CACNA2D2: variants seen among roughly 807,000 people sequenced by gnomAD.
The protein encoded by CACNA2D2 is voltage-dependent calcium channel subunit alpha-2/delta-2.
Under a neutral mutation model 166.4 loss-of-function variants are expected in CACNA2D2, and 48 were observed. The observed-to-expected ratio is 0.29, with a 90% CI of 0.23 to 0.37. The LOEUF (loss-of-function observed/expected upper bound fraction) is 0.37, where lower values mean the gene tolerates loss of function less well. Ranked by LOEUF, CACNA2D2 falls within the 10% of genes least tolerant of loss-of-function variation. The pLI, the probability that CACNA2D2 is intolerant of heterozygous loss-of-function variation, is 1.00. For synonymous variants in CACNA2D2, 561 were observed against 573.7 expected (o/e 0.98, Z 0.32); for missense variants, 1,122 against 1,433.0 (o/e 0.78, Z 3.50).
chr3:50,377,648 C>T, intron 16 of CACNA2D2, 84 bp downstream of exon 16: 2 of 1,560,912 alleles, frequency 1.3e-6, no homozygotes, highest in Non-Finnish European at 1.8e-6. Flanking sequence ...GCCTGCCCTG[C>T]CCCTCTTCCA....
chr3:50,364,866 G>C lies in CACNA2D2; in HGVS notation c.3291+22C>G, dbSNP rs1458024573. ...CGGGCGCAAGGCCGCGGGATTTCGG[G>C]TCCACCGCCCCCTCTCCTCACTGTC... On this transcript the variant is annotated intron_variant, in intron 37 of 37. Transcript: ENST00000424201. 5.0e-6 allele frequency: 8 copies of C among 1,613,242 alleles called. No individual in the cohort carries two copies. The East Asian group carries it at 1.8e-4, about 36-fold the overall frequency.
chr3:50,374,947 C>T (rs374605359), intron 21 of CACNA2D2, 134 bp from the exon 22 acceptor site: 35 of 736,938 alleles, frequency 4.7e-5, no homozygotes, highest in Middle Eastern at 7.4e-4. Context: ...CCCCTCTCCC[C>T]GCTTAGCTGC....
intron 2 of CACNA2D2, among the ~76,000 whole-genome samples, chr3:50,459,588 C>T (rs1229710671): frequency 6.6e-6 from 1 of 152,148 alleles, no homozygotes; most frequent in African/African-American, 2.4e-5. Context: ...AAAAACTGTC[C>T]CCCAGCAGGG....
intron 1 of CACNA2D2, among the ~76,000 whole-genome samples, chr3:50,481,953 C>T (rs1427718764): frequency 6.6e-6 from 1 of 152,150 alleles, no homozygotes; most frequent in Admixed American, 6.5e-5. Flanking sequence ...CAAGGCCATG[C>T]CACTGTATTC....
chr3:50,446,289 C>A (rs1031159185), intron 2 of CACNA2D2, among the ~76,000 whole-genome samples: 6 of 152,238 alleles, frequency 3.9e-5, no homozygotes, highest in Non-Finnish European at 8.8e-5. Context: ...TCCACACCGG[C>A]CATCCATTTC....
At chr3:50,448,774 C>T (rs913276296) in intron 2 of CACNA2D2, among the ~76,000 whole-genome samples, 1 of 152,110 alleles carries the variant, frequency 6.6e-6, no homozygotes, top group Non-Finnish European at 1.5e-5. Flanking sequence ...TTCAGAGGGA[C>T]TAGAGCCCTG....
chr3:50,429,262 C>T (rs1707947496), intron 3 of CACNA2D2, among the ~76,000 whole-genome samples: 1 of 151,930 alleles, frequency 6.6e-6, no homozygotes. Context: ...TGCTGTGAGA[C>T]CTGGAGCAAG....
intron 2 of CACNA2D2, among the ~76,000 whole-genome samples, chr3:50,445,874 C>G (rs1708821551): frequency 6.6e-6 from 1 of 152,134 alleles, no homozygotes; most frequent in African/African-American, 2.4e-5. Flanking sequence ...TGCTCCTGAG[C>G]AGGCTCTGGC....
intron 3 of CACNA2D2, among the ~76,000 whole-genome samples, 164 bp downstream of exon 3, chr3:50,434,149 C>T (rs774045606): frequency 4.6e-4 from 70 of 152,172 alleles, no homozygotes; most frequent in Admixed American, 1.3e-4. Flanking sequence ...CTGTTCCTGC[C>T]GCAGCTGCCC....
At chr3:50,468,669 G>A (rs1010665191) in intron 2 of CACNA2D2, among the ~76,000 whole-genome samples, 1 of 151,942 alleles carries the variant, frequency 6.6e-6, no homozygotes, top group African/African-American at 2.4e-5. Flanking sequence ...CAGAGATCCT[G>A]AGAGATTCCA....
At chr3:50,368,599 G>A (rs1287306263) in intron 23 of CACNA2D2, among the ~76,000 whole-genome samples, 1 of 152,204 alleles carries the variant, frequency 6.6e-6, no homozygotes, top group Non-Finnish European at 1.5e-5. Flanking sequence ...CATTCCCATG[G>A]GCACCAGATG....
At chr3:50,443,126 G>C (rs1708679642) in intron 2 of CACNA2D2, among the ~76,000 whole-genome samples, 2 of 152,242 alleles carry the variant, frequency 1.3e-5, no homozygotes, top group Non-Finnish European at 2.9e-5. Flanking sequence ...CAGCATACCA[G>C]CTGGCACGGG....
At chr3:50,403,061 C>A (rs920029752) in intron 3 of CACNA2D2, among the ~76,000 whole-genome samples, 1 of 152,102 alleles carries the variant, frequency 6.6e-6, no homozygotes, top group African/African-American at 2.4e-5. Flanking sequence ...CCACAGAGGC[C>A]AAGGTACCCA....
At chr3:50,382,079 G>A (rs1705352568) in intron 6 of CACNA2D2, among the ~76,000 whole-genome samples, 1 of 152,074 alleles carries the variant, frequency 6.6e-6, no homozygotes, top group Admixed American at 6.5e-5. Flanking sequence ...AACCTGGGCA[G>A]AGATCCAGGA....
At chr3:50,373,011 G>A (rs1199879353) in intron 22 of CACNA2D2, 22 of 1,446,998 alleles carry the variant, frequency 1.5e-5, no homozygotes, top group East Asian at 7.7e-5. Context: ...AAGCAGGGGC[G>A]TGAGGATGGG....
chr3:50,380,876 C>A lies in CACNA2D2; in HGVS notation c.785-71G>T, dbSNP rs146699793. The A allele has an allele frequency of 2.0e-6, 3 of 1,525,792 alleles. No individual in the cohort carries two copies. Among genetic ancestry groups the A allele is most frequent in the Non-Finnish European group, 2.7e-6 (3 of 1,128,588 alleles). 94.5% of individuals were successfully genotyped at this position (1,525,792 alleles called of 1,614,324 possible). ...CCTGGGTAGGCAGACCTTGCAGAGG[C>A]GACTGGGCTGCCACAGACTACAGAG... On this transcript the variant is annotated intron_variant, in intron 7 of 37. Transcript: ENST00000424201. This position sits in a 1 kb window ranked among gnomAD's most constrained non-coding sequence, Gnocchi z 4.9.
chr3:50,433,516 A>G (rs879471055), intron 3 of CACNA2D2, among the ~76,000 whole-genome samples: 1 of 152,110 alleles, frequency 6.6e-6, no homozygotes, highest in African/African-American at 2.4e-5. Flanking sequence ...CACCATGCCC[A>G]GCTTTGCTCC....
chr3:50,378,136 C>T (rs1705084761), intron 14 of CACNA2D2, 39 bp from the exon 15 acceptor site: 2 of 1,591,068 alleles, frequency 1.3e-6, no homozygotes, highest in Non-Finnish European at 1.7e-6. Flanking sequence ...GAGTGCCTTT[C>T]CCAGGCACTG....
At chr3:50,397,258 C>T (rs1706208031) in intron 3 of CACNA2D2, among the ~76,000 whole-genome samples, 1 of 152,226 alleles carries the variant, frequency 6.6e-6, no homozygotes, top group Admixed American at 6.5e-5. Flanking sequence ...TACTTTTAAT[C>T]CTCAGTAACG....
Sources: gnomAD v4.1 joint callset for allele counts (sites outside exome capture counted in the v4.1 genomes callset) on GRCh38, gnomAD v4.1.1 for gene constraint, Gnocchi (gnomAD v3.1) non-coding constraint, MANE v1.5 for transcripts, NCBI Gene and HGNC (gene_info 2026-07-23, HGNC 2026-07-21) for gene names.